CDCA7L: variants seen among roughly 807,000 people sequenced by gnomAD.
The protein encoded by CDCA7L is cell division cycle-associated 7-like protein.
CDCA7L carries 44 observed loss-of-function variants against 57.4 expected under a neutral mutation model. The observed-to-expected ratio is 0.77, with a 90% CI of 0.60 to 0.98. The LOEUF is 0.98. Ranked by LOEUF, CDCA7L falls within the 50% of genes least tolerant of loss-of-function variation. The pLI is 0.00. For missense variants in CDCA7L, 644 were observed against 580.6 expected (o/e 1.11, Z -1.12); for synonymous variants, 236 against 202.8 (o/e 1.16, Z -1.39).
rs1554294590 is a variant in CDCA7L at position 21,901,591 on chromosome 7, A to AAAGTACATCATAT, written c.*718_*730dup. The AAAGTACATCATAT allele has an allele frequency of 9.5e-4, 167 of 176,162 alleles. No individual in the cohort carries two copies. The highest frequency in any genetic ancestry group is 3.8e-3 in the African/African-American group (163 of 42,390). The allele number at this position is 176,162 out of a possible 1,614,324, so 10.9% of individuals were successfully genotyped here. ...CTCAAAAAAAAAAAAGTACATCATA[A>AAAGTACATCATAT]AAGTACATCATATGTGAACATGCAA... On this transcript the variant is annotated 3_prime_UTR_variant, in exon 10 of 10. Transcript: ENST00000406877.
At chr7:21,912,659 A>G (rs1227970389) in intron 2 of CDCA7L, among the ~76,000 whole-genome samples, 1 of 152,100 alleles carries the variant, frequency 6.6e-6, no homozygotes, top group Admixed American at 6.6e-5. Context: ...GGCCTCTCTC[A>G]GCCCCCACCG....
chr7:21,914,569 G>A (rs563638457), intron 2 of CDCA7L, among the ~76,000 whole-genome samples: 1 of 151,490 alleles, frequency 6.6e-6, no homozygotes, highest in African/African-American at 2.5e-5. Flanking sequence ...GGACCAGTGG[G>A]CAGAAAGGGC....
chr7:21,902,903 TA>T lies in CDCA7L; in HGVS notation c.1334+74del. The T allele has an allele frequency of 2.1e-6, 3 of 1,437,630 alleles. No individual in the cohort carries two copies. The East Asian group carries it at 6.9e-5, about 33-fold the overall frequency. 89.1% of individuals were successfully genotyped at this position (1,437,630 alleles called of 1,614,324 possible). On this transcript the variant is annotated intron_variant, in intron 9 of 9. Coordinates refer to ENST00000406877, the MANE Select transcript of CDCA7L (RefSeq NM_018719.5). The stretch of plus-strand genomic sequence containing the variant: ...GTAAGTCACACGGGAAGGCAACAAC[TA>T]CTTGCCCAGAGGGTCTCCTGTGCTC...
chr7:21,902,909 C>T, intron 9 of CDCA7L, 69 bp downstream of exon 9: 2 of 1,498,292 alleles, frequency 1.3e-6, no homozygotes, highest in East Asian at 2.3e-5. Context: ...CAACTACTTG[C>T]CCAGAGGGTC....
At chr7:21,943,966 C>T (rs1170566051) in intron 1 of CDCA7L, among the ~76,000 whole-genome samples, 2 of 152,236 alleles carry the variant, frequency 1.3e-5, no homozygotes, top group African/African-American at 4.8e-5. Context: ...GTGCAAAGAA[C>T]TCTCCAGCTT....
chr7:21,937,367 G>A (rs1048513285), intron 1 of CDCA7L, among the ~76,000 whole-genome samples: 6 of 152,150 alleles, frequency 3.9e-5, no homozygotes, highest in African/African-American at 1.4e-4. Context: ...AGGCGCAGTG[G>A]CTCACACCTG....
chr7:21,931,401 C>T (rs1786010681), intron 1 of CDCA7L, among the ~76,000 whole-genome samples: 1 of 152,144 alleles, frequency 6.6e-6, no homozygotes, highest in Non-Finnish European at 1.5e-5. Flanking sequence ...AAACCAAATC[C>T]AGCAGCACAT....
intron 1 of CDCA7L, among the ~76,000 whole-genome samples, chr7:21,938,103 A>G (rs1403483744): frequency 1.3e-5 from 2 of 152,204 alleles, no homozygotes; most frequent in African/African-American, 2.4e-5. Context: ...GGGCGCTATC[A>G]AGACAGTGAA....
At chr7:21,903,160 T>TCTGGCAAGAACTGGGATTCGGATC (rs1784994935) in intron 8 of CDCA7L, 46 bp from the exon 9 acceptor site, 2 of 1,585,390 alleles carry the variant, frequency 1.3e-6, no homozygotes, top group Admixed American at 1.7e-5. Context: ...ATCTACAGGG[T>TCTGGCAAGAACTGGGATTCGGATC]CTGGCAAGAA....
chr7:21,939,871 A>T (rs1237868459), intron 1 of CDCA7L, among the ~76,000 whole-genome samples: 1 of 151,530 alleles, frequency 6.6e-6, no homozygotes, highest in Non-Finnish European at 1.5e-5. Flanking sequence ...GATTGAATCC[A>T]AAACTGAAAT....
At chr7:21,909,743 A>G (rs1785254684) in intron 3 of CDCA7L, among the ~76,000 whole-genome samples, 1 of 152,182 alleles carries the variant, frequency 6.6e-6, no homozygotes, top group African/African-American at 2.4e-5. Flanking sequence ...CATCCTCATC[A>G]TCGACAGGCC....
intron 1 of CDCA7L, among the ~76,000 whole-genome samples, chr7:21,928,477 G>A (rs533058767): frequency 2.0e-5 from 3 of 152,062 alleles, no homozygotes; most frequent in South Asian, 2.1e-4. Flanking sequence ...ACAGAAGTAC[G>A]CTTCAGAAGG....
chr7:21,902,719 G>A, intron 9 of CDCA7L: 1 of 497,152 alleles, frequency 2.0e-6, no homozygotes, highest in Non-Finnish European at 3.6e-6. Context: ...TTCCATTTCT[G>A]TCATACACCT....
At chr7:21,912,667 C>A (rs1785369377) in intron 2 of CDCA7L, among the ~76,000 whole-genome samples, 1 of 152,156 alleles carries the variant, frequency 6.6e-6, no homozygotes, top group Non-Finnish European at 1.5e-5. Flanking sequence ...TCAGCCCCCA[C>A]CGCCCACCAC....
chr7:21,904,356 T>C (rs1478029698), intron 7 of CDCA7L, 97 bp from the exon 8 acceptor site: 2 of 1,187,276 alleles, frequency 1.7e-6, no homozygotes, highest in East Asian at 2.6e-5. Context: ...TATGAAGAAA[T>C]ACCCCCGTCT....
rs763086217 is a variant in CDCA7L, at chr7:21,903,123, G to C, written c.1198-9C>G. 1.2e-6 allele frequency: 2 copies of C among 1,612,186 alleles called. No homozygotes were observed. Among genetic ancestry groups the C allele is most frequent in the Admixed American group, 1.7e-5 (1 of 59,914 alleles). ...GGGGGACACACCCAATCCTAACAGA[G>C]AGATGACAGCAGACACTTCGCTCAT... is the stretch of plus-strand genomic sequence containing the variant. On this transcript the variant is annotated splice_polypyrimidine_tract_variant and intron_variant, in intron 8 of 9. Coordinates refer to ENST00000406877, the MANE Select transcript of CDCA7L (RefSeq NM_018719.5).
chr7:21,904,237 C>T lies in CDCA7L; in HGVS notation c.1070G>A (p.Arg357Gln), dbSNP rs1218303057. ...TGTCTTGGTGTCGATGGTCTTTTGT[C>T]GACACTGATGGCACGTGTTACCCTA... ...KVLGNTCHQC[R>Q]QKTIDTKTVC... Residue 357 changes from arginine to glutamine, a missense_variant, in exon 8 of 10, where the codon CGA becomes CAA. By Grantham distance (43) the Arg-to-Gln change is conservative (BLOSUM62 1). Transcript: ENST00000406877. 6.2e-7 allele frequency: 1 copy of T among 1,610,420 alleles called. No homozygotes were observed. The highest frequency in any genetic ancestry group is 8.5e-7 in the Non-Finnish European group (1 of 1,178,218).
intron 6 of CDCA7L, 42 bp from the exon 7 acceptor site, chr7:21,905,673 A>G (rs1416903719): frequency 3.2e-6 from 5 of 1,579,604 alleles, no homozygotes; most frequent in Middle Eastern, 1.7e-4. Context: ...TGTGTTGAGC[A>G]GTTATAAAAA....
intron 1 of CDCA7L, among the ~76,000 whole-genome samples, chr7:21,945,203 G>C (rs1786481338): frequency 6.6e-6 from 1 of 152,036 alleles, no homozygotes; most frequent in South Asian, 2.1e-4. Flanking sequence ...ATATGATTTG[G>C]GATCTTGCAG....
Sources: gnomAD v4.1 joint callset for allele counts (sites outside exome capture counted in the v4.1 genomes callset) on GRCh38, gnomAD v4.1.1 for gene constraint, MANE v1.5 for transcripts, NCBI Gene and HGNC (gene_info 2026-07-23, HGNC 2026-07-21) for gene names.